The following MAP2 variants were observed in gnomAD, a reference collection of about 807,000 sequenced individuals.
MAP2 encodes microtubule-associated protein 2.
MAP2 carries 14 observed loss-of-function variants against 137.6 expected under a neutral mutation model. The observed-to-expected ratio is 0.10, with a 90% confidence interval of 0.07 to 0.16. The LOEUF (loss-of-function observed/expected upper bound fraction) is 0.16. MAP2 is among the 10% of genes least tolerant of loss of function. The pLI is 1.00. For missense variants in MAP2, 2,088 were observed against 2,191.5 expected, an observed-to-expected ratio of 0.95 and a Z score of 0.94; for synonymous variants, 786 against 782.3, an observed-to-expected ratio of 1.00 and a Z score of -0.08.
intron 3 of MAP2, among the ~76,000 whole-genome samples, chr2:209,620,775 T>C (rs2090905747): frequency 6.6e-6 from 1 of 152,220 alleles, no homozygotes; most frequent in Admixed American, 6.5e-5. Context: ...CTAAATTACA[T>C]GAATTGCTCA....
At chr2:209,491,693 A>G (rs1195610983) in intron 1 of MAP2, among the ~76,000 whole-genome samples, 2 of 152,246 alleles carry the variant, frequency 1.3e-5, no homozygotes, top group African/African-American at 4.8e-5. Flanking sequence ...TAGACAATCT[A>G]GAAGAAATGG....
At chr2:209,466,782 T>C (rs1479299928) in intron 1 of MAP2, among the ~76,000 whole-genome samples, 1 of 152,222 alleles carries the variant, frequency 6.6e-6, no homozygotes, top group African/African-American at 2.4e-5. Context: ...GTTTCTCTAA[T>C]GACATGGCAA....
At chr2:209,557,962 A>G (rs2071074519) in intron 2 of MAP2, among the ~76,000 whole-genome samples, 1 of 152,210 alleles carries the variant, frequency 6.6e-6, no homozygotes, top group Non-Finnish European at 1.5e-5. Context: ...TTTGGAACAC[A>G]CACAATATTT....
At chr2:209,705,495 A>G in intron 11 of MAP2, 85 bp from the exon 12 acceptor site, 1 of 1,153,638 alleles carries the variant, frequency 8.7e-7, no homozygotes, top group South Asian at 1.9e-5. Context: ...TTATTAGCAC[A>G]GGAGGAAAAT....
At chr2:209,451,506 T>G (rs1436393919) in intron 1 of MAP2, among the ~76,000 whole-genome samples, 3 of 152,212 alleles carry the variant, frequency 2.0e-5, no homozygotes, top group Non-Finnish European at 4.4e-5. Flanking sequence ...CTGTTTACAC[T>G]GTTCCCTCCC....
rs557486562 is a variant in MAP2 at position 209,547,262 on chromosome 2, A to G, written c.-171-32774A>G. ...GGCTTTGACATGCTACTTCTCAGAC[A>G]CCCTTCACACAGAGCCACTACCCCC... On this transcript the variant is annotated intron_variant, in intron 2 of 15. Coordinates refer to ENST00000682079, the MANE Select transcript of MAP2 (RefSeq NM_001375505.1). Among the ~76,000 whole-genome samples, 6 of 151,674 alleles carry G rather than the reference A, an allele frequency of 4.0e-5. No homozygotes were observed. The South Asian group carries it at 1.0e-3, about 26-fold the overall frequency.
intron 3 of MAP2, among the ~76,000 whole-genome samples, chr2:209,592,944 A>G (rs568887425): frequency 8.9e-4 from 135 of 152,064 alleles, no homozygotes; most frequent in Middle Eastern, 6.8e-3. Context: ...ATTTTAAGAC[A>G]TTTTTTCACT....
At chr2:209,619,585 C>T (rs752076865) in intron 3 of MAP2, among the ~76,000 whole-genome samples, 1 of 151,866 alleles carries the variant, frequency 6.6e-6, no homozygotes, top group Non-Finnish European at 1.5e-5. Flanking sequence ...CCCATTGCTG[C>T]TCAACGTTCC....
chr2:209,635,588 C>T (rs528598936), intron 4 of MAP2, among the ~76,000 whole-genome samples: 45 of 152,242 alleles, frequency 3.0e-4, no homozygotes, highest in South Asian at 1.2e-3. Flanking sequence ...GGTAGCAGTG[C>T]ACCTGGTTTA....
chr2:209,649,536 A>T (rs752066967), intron 4 of MAP2, among the ~76,000 whole-genome samples: 1 of 152,202 alleles, frequency 6.6e-6, no homozygotes, highest in East Asian at 1.9e-4. Context: ...TTATGTTGTG[A>T]TTATAAATGA....
chr2:209,570,325 A>G (rs75148955), intron 2 of MAP2, among the ~76,000 whole-genome samples: 9 of 151,824 alleles, frequency 5.9e-5, no homozygotes, highest in South Asian at 2.1e-4. Flanking sequence ...CTGAATTACA[A>G]ACTAATTAGC....
chr2:209,659,844 C>T (rs1248321411), intron 5 of MAP2, among the ~76,000 whole-genome samples: 1 of 151,948 alleles, frequency 6.6e-6, no homozygotes, highest in Non-Finnish European at 1.5e-5. Flanking sequence ...TGGGACCATC[C>T]TGGCTAACAC....
At chr2:209,685,799 G>A (rs1201878469) in intron 7 of MAP2, among the ~76,000 whole-genome samples, 4 of 151,950 alleles carry the variant, frequency 2.6e-5, no homozygotes, top group Non-Finnish European at 5.9e-5. Context: ...TTAAATGTTG[G>A]CACTTTCACA....
intron 2 of MAP2, among the ~76,000 whole-genome samples, chr2:209,538,402 C>T (rs2066320930): frequency 6.6e-6 from 1 of 151,844 alleles, no homozygotes; most frequent in Admixed American, 6.6e-5. Flanking sequence ...ATCATTTGTT[C>T]AAGTTCCTCA....
intron 3 of MAP2, among the ~76,000 whole-genome samples, chr2:209,618,830 C>A (rs960474461): frequency 6.6e-6 from 1 of 152,154 alleles, no homozygotes; most frequent in Admixed American, 6.6e-5. Context: ...TATCTACACT[C>A]CTATGATGAT....
chr2:209,666,225 T>A lies in MAP2; in HGVS notation c.263-12347T>A, dbSNP rs568730385. On this transcript the variant is annotated intron_variant, in intron 5 of 15. Transcript: ENST00000682079. The stretch of plus-strand genomic sequence containing the variant: ...CTGACCTGGGGAAAGTGGCTTTTTC[T>A]CCAAATATTGCACTAACTTGGTGTA... Among the ~76,000 whole-genome samples the A allele has an allele frequency of 1.5e-4, 23 of 152,258 alleles. No individual in the cohort carries two copies. In the South Asian group the frequency reaches 4.8e-3, roughly 32 times the overall value.
chr2:209,728,710 T>A (rs1355612239), intron 14 of MAP2, among the ~76,000 whole-genome samples: 1 of 152,184 alleles, frequency 6.6e-6, no homozygotes, highest in Non-Finnish European at 1.5e-5. Flanking sequence ...TCTTTCATAT[T>A]TCCATACGGT....
chr2:209,730,090 A>C (rs1187694376), intron 15 of MAP2, 92 bp from the exon 16 acceptor site: 5 of 1,194,644 alleles, frequency 4.2e-6, no homozygotes. Flanking sequence ...AGGTGAATAG[A>C]AGTCATTAAT....
chr2:209,436,452 A>G (rs946919198), intron 1 of MAP2, among the ~76,000 whole-genome samples: 1 of 151,684 alleles, frequency 6.6e-6, no homozygotes, highest in African/African-American at 2.4e-5. Flanking sequence ...ATGTTCCAAT[A>G]AAATTTTATT....
Sources: gnomAD v4.1 joint callset for allele counts (sites outside exome capture counted in the v4.1 genomes callset) on GRCh38, gnomAD v4.1.1 for gene constraint, MANE v1.5 for transcripts, NCBI Gene and HGNC (gene_info 2026-07-23, HGNC 2026-07-21) for gene names.